CDH15: variants seen among roughly 807,000 people sequenced by gnomAD.
CDH15 encodes cadherin-15.
CDH15 carries 73 observed loss-of-function variants against 69.4 expected under a neutral mutation model. The observed-to-expected ratio is 1.05, with a 90% CI of 0.87 to 1.28. The LOEUF (loss-of-function observed/expected upper bound fraction) is 1.28, where lower values mean the gene tolerates loss of function less well. CDH15 is among the 50% of genes most tolerant of loss of function. The pLI, the probability that CDH15 is intolerant of heterozygous loss-of-function variation, is 0.00. For missense variants in CDH15, 1,343 were observed against 1,133.6 expected, an observed-to-expected ratio of 1.18 and a Z score of -2.65; for synonymous variants, 624 against 507.7, an observed-to-expected ratio of 1.23 and a Z score of -3.08.
chr16:89,186,479 C>T (rs1489320673), intron 5 of CDH15, among the ~76,000 whole-genome samples: 5 of 140,892 alleles, frequency 3.5e-5, no homozygotes, highest in Non-Finnish European at 7.7e-5. Context: ...AAAGGCCCAC[C>T]CAGCGCACAG....
chr16:89,194,776 G>A (rs1056895251), intron 13 of CDH15, 86 bp from the exon 14 acceptor site: 1 of 1,378,916 alleles, frequency 7.3e-7, no homozygotes, highest in Admixed American at 2.0e-5. Flanking sequence ...CGTGCCTTGA[G>A]CTGACTTTGC....
chr16:89,189,095 C>CAG (rs1190369325), intron 7 of CDH15, among the ~76,000 whole-genome samples: 2 of 136,044 alleles, frequency 1.5e-5, no homozygotes, highest in East Asian at 2.4e-4. Flanking sequence ...ACACAGATGC[C>CAG]CACACACAGA....
Position 89,187,421 on chromosome 16 carries a change from A to G in CDH15, c.664-8A>G. The G allele has an allele frequency of 1.2e-6, 2 of 1,612,458 alleles. No individual in the cohort carries two copies. The highest frequency in any genetic ancestry group is 2.2e-5 in the South Asian group (2 of 91,058). The stretch of plus-strand genomic sequence containing the variant: ...CTCATCTTCTGACCCTGTGCCCCAC[A>G]TCCCCAGGTGGTCGCGGTGTACAAT... On this transcript the variant is annotated splice_region_variant and splice_polypyrimidine_tract_variant and intron_variant, in intron 5 of 13. Transcript: ENST00000289746.
chr16:89,195,268 C>T lies in CDH15; in HGVS notation c.*113C>T, dbSNP rs570315821. The T allele has an allele frequency of 3.2e-4, 376 of 1,180,206 alleles. 3 individuals are homozygous for T. Among genetic ancestry groups the T allele is most frequent in the Middle Eastern group, 1.2e-3 (4 of 3,430 alleles). The allele number at this position is 1,180,206 out of a possible 1,614,324, so 73.1% of individuals were successfully genotyped here. A position where few individuals can be genotyped will look rare whatever the true frequency, so the allele number is the denominator to read the frequency against. On this transcript the variant is annotated 3_prime_UTR_variant, in exon 14 of 14. Coordinates refer to ENST00000289746, the MANE Select transcript of CDH15 (RefSeq NM_004933.3). ...CCCCTGGGCCTGGGGCAGCCTCCTT[C>T]CTGTAGGCGAGGGCCCAAGTCTGGG...
At chr16:89,190,174 C>T in intron 7 of CDH15, 69 bp from the exon 8 acceptor site, 1 of 1,577,210 alleles carries the variant, frequency 6.3e-7, no homozygotes, top group Non-Finnish European at 8.6e-7. Context: ...AGTGGCTCCC[C>T]CATGGCACCT....
At position 89,191,651 on chromosome 16, in the gene CDH15, G is replaced by A; in HGVS notation, c.1376-4G>A. ...TCACTAAGCCGCGGCCTCCTCGCCT[G>A]CAGCCTCCCAGCCCCGCACCGCCAC... On this transcript the variant is annotated splice_region_variant and splice_polypyrimidine_tract_variant and intron_variant, in intron 9 of 13. Coordinates refer to ENST00000289746, the MANE Select transcript of CDH15 (RefSeq NM_004933.3). 6.3e-7 allele frequency: 1 copy of A among 1,582,586 alleles called. No individual in the cohort carries two copies. The highest frequency in any genetic ancestry group is 2.3e-5 in the East Asian group (1 of 43,648).
chr16:89,188,217 G>C lies in CDH15; in HGVS notation c.910G>C (p.Asp304His), dbSNP rs773887953. 3 of 1,613,366 alleles carry C rather than the reference G, an allele frequency of 1.9e-6. No homozygotes were observed. Among genetic ancestry groups the C allele is most frequent in the South Asian group, 1.1e-5 (1 of 91,020 alleles). Residue 304 changes from aspartate to histidine, a missense_variant, in exon 7 of 14, where the codon GAC becomes CAC. Transcript: ENST00000289746. ...GGCCAGGTTCACCATCCTGGAAGGCGACCCCGATGGGCAGTTCACCATCCG... is the reference window on the plus strand; with the variant it reads ...GGCCAGGTTCACCATCCTGGAAGGCCACCCCGATGGGCAGTTCACCATCCG... Reference protein sequence around the residue: ...WVARFTILEGDPDGQFTIRTD... With the variant: ...WVARFTILEGHPDGQFTIRTD...
chr16:89,171,794 C>T lies in CDH15; in HGVS notation c.-38C>T. The stretch of plus-strand genomic sequence containing the variant: ...TCAGCCTGGACGCGCTTCTTCGGGT[C>T]GCGGGTGCACTCCGGCCCGGCTCCC... On this transcript the variant is annotated 5_prime_UTR_variant, in exon 1 of 14. Coordinates refer to ENST00000289746, the MANE Select transcript of CDH15 (RefSeq NM_004933.3). 2 of 1,539,096 alleles carry T rather than the reference C, an allele frequency of 1.3e-6. No homozygotes were observed. The highest frequency in any genetic ancestry group is 1.4e-5 in the African/African-American group (1 of 72,934).
At chr16:89,178,465 G>A (rs1915304053) in intron 1 of CDH15, among the ~76,000 whole-genome samples, 1 of 152,188 alleles carries the variant, frequency 6.6e-6, no homozygotes, top group Admixed American at 6.5e-5. Flanking sequence ...GAGGTACCCT[G>A]TTCTGGGAGA....
At chr16:89,191,025 G>A (rs768774697) in intron 8 of CDH15, among the ~76,000 whole-genome samples, 23 of 150,586 alleles carry the variant, frequency 1.5e-4, no homozygotes, top group Non-Finnish European at 1.5e-5. Flanking sequence ...GTGCACATGT[G>A]TGGTACATGC....
intron 4 of CDH15, among the ~76,000 whole-genome samples, chr16:89,184,829 C>T (rs781341461): frequency 2.6e-5 from 4 of 152,226 alleles, no homozygotes; most frequent in Non-Finnish European, 5.9e-5. Context: ...TTAGCCCCTG[C>T]ACTGGGCAGG....
Position 89,187,423 on chromosome 16 carries a change from C to T in CDH15, c.664-6C>T, listed in dbSNP as rs892815924. The T allele has an allele frequency of 3.1e-6, 5 of 1,612,458 alleles. No individual in the cohort carries two copies. Among genetic ancestry groups the T allele is most frequent in the Non-Finnish European group, 4.2e-6 (5 of 1,179,998 alleles). On this transcript the variant is annotated splice_region_variant and splice_polypyrimidine_tract_variant and intron_variant, in intron 5 of 13. Coordinates refer to ENST00000289746, the MANE Select transcript of CDH15 (RefSeq NM_004933.3). ...CATCTTCTGACCCTGTGCCCCACAT[C>T]CCCAGGTGGTCGCGGTGTACAATCT...
intron 9 of CDH15, 89 bp downstream of exon 9, chr16:89,191,561 G>A (rs1597311904): frequency 1.2e-5 from 19 of 1,584,632 alleles, no homozygotes; most frequent in South Asian, 2.2e-5. Flanking sequence ...TGCCCATGTC[G>A]CCCGGGGGCT....
intron 10 of CDH15, 52 bp downstream of exon 10, chr16:89,191,946 C>A: frequency 1.3e-6 from 2 of 1,489,568 alleles, no homozygotes; most frequent in Non-Finnish European, 1.8e-6. Flanking sequence ...CCCCCCACCC[C>A]CACATTCCGG....
chr16:89,193,942 A>T, intron 13 of CDH15, 29 bp downstream of exon 13: 1 of 1,609,182 alleles, frequency 6.2e-7, no homozygotes, highest in South Asian at 1.1e-5. Context: ...ACCCCAGTAC[A>T]CACAGGCACG....
intron 4 of CDH15, among the ~76,000 whole-genome samples, chr16:89,184,572 G>C (rs555547972): frequency 6.6e-6 from 1 of 152,190 alleles, no homozygotes; most frequent in Non-Finnish European, 1.5e-5. Flanking sequence ...CTCGGCTGTC[G>C]TGTGTCCTGC....
In CDH15 at chr16:89,185,189, G is replaced by T; in HGVS notation, c.519G>T (p.Arg173Ser). ...EGAVPGTYVT[R>S]AEATDADDPE... ...GCTTCCCAGGCACCTATGTGACCAG[G>T]GCAGAGGCCACAGATGCCGACGACC... Residue 173 changes from arginine (R) to serine (S), a missense_variant, in exon 5 of 14, where the codon AGG (arginine) becomes AGT (serine). By Grantham distance (110) the Arg-to-Ser change is moderately radical (BLOSUM62 -1). Transcript: ENST00000289746. 1 of 1,602,222 alleles carries T rather than the reference G, an allele frequency of 6.2e-7. No homozygotes were observed. The highest frequency in any genetic ancestry group is 8.5e-7 in the Non-Finnish European group (1 of 1,175,384).
At position 89,185,256 on chromosome 16, in the gene CDH15, C is replaced by G. The variant is rs927483029; in HGVS notation, c.586C>G (p.Gln196Glu). ...AGCGCTGCGGTTCTCCATCCTGCAG[C>G]AGGGCAGCCCCGAGCTCTTCAGCAT... ...NAALRFSILQ[Q>E]GSPELFSIDE... The change falls in exon 5 of 14, where the codon CAG becomes GAG. Residue 196 changes from glutamine to glutamate, a missense_variant. Physicochemically the swap from Gln to Glu is conservative, Grantham distance 29. Coordinates refer to ENST00000289746, the MANE Select transcript of CDH15 (RefSeq NM_004933.3). The G allele has an allele frequency of 1.2e-6, 2 of 1,606,094 alleles. No homozygotes were observed. The highest frequency in any genetic ancestry group is 1.3e-5 in the African/African-American group (1 of 74,786).
intron 1 of CDH15, among the ~76,000 whole-genome samples, chr16:89,173,526 G>A (rs1016841068): frequency 1.1e-4 from 16 of 152,162 alleles, no homozygotes; most frequent in Admixed American, 1.3e-4. Context: ...TGGAGGTGGG[G>A]GCCAGATGGC....
Sources: allele counts gnomAD v4.1 joint callset (sites outside exome capture counted in the v4.1 genomes callset), GRCh38; gene constraint gnomAD v4.1.1; transcripts MANE v1.5; gene names NCBI Gene and HGNC (gene_info 2026-07-23, HGNC 2026-07-21).